DCUN1D2: variants seen among roughly 807,000 people sequenced by gnomAD.
The protein encoded by DCUN1D2 is DCN1-like protein 2.
DCUN1D2 carries 29 observed loss-of-function variants against 30.9 expected under a neutral mutation model. The observed-to-expected ratio is 0.94, with a 90% confidence interval of 0.70 to 1.28. The LOEUF is 1.28. Ranked by LOEUF, DCUN1D2 falls within the 50% of genes most tolerant of loss-of-function variation. The pLI is 0.00. For synonymous variants in DCUN1D2, 121 were observed against 115.3 expected (o/e 1.05, Z -0.32); for missense variants, 325 against 316.9 (o/e 1.03, Z -0.19).
intron 1 of DCUN1D2, among the ~76,000 whole-genome samples, chr13:113,485,868 G>A (rs772640446): frequency 2.9e-4 from 44 of 152,114 alleles, no homozygotes; most frequent in Non-Finnish European, 4.4e-4. Context: ...CATTCTCACA[G>A]AGTGCACAGC....
At chr13:113,470,266 T>C (rs935828147) in intron 4 of DCUN1D2, among the ~76,000 whole-genome samples, 1 of 152,212 alleles carries the variant, frequency 6.6e-6, no homozygotes, top group Non-Finnish European at 1.5e-5. Flanking sequence ...TGTGCCATAC[T>C]GCTAGGCGTG....
At chr13:113,486,975 A>AC (rs1220865496) in intron 1 of DCUN1D2, among the ~76,000 whole-genome samples, 1 of 152,172 alleles carries the variant, frequency 6.6e-6, no homozygotes, top group African/African-American at 2.4e-5. Context: ...TAGTTTGCCG[A>AC]CCCCGATCTA....
At chr13:113,486,870 T>C in intron 1 of DCUN1D2, among the ~76,000 whole-genome samples, 1 of 152,188 alleles carries the variant, frequency 6.6e-6, no homozygotes, top group East Asian at 1.9e-4. Context: ...ATCTCTGCCA[T>C]CTCAGGCCTG....
chr13:113,470,084 T>C (rs995526299), intron 4 of DCUN1D2, among the ~76,000 whole-genome samples: 6 of 152,202 alleles, frequency 3.9e-5, no homozygotes, highest in African/African-American at 1.2e-4. Context: ...CAGCCAATGA[T>C]AGTCCGCGTA....
intron 2 of DCUN1D2, among the ~76,000 whole-genome samples, chr13:113,482,337 A>C (rs1281402638): frequency 2.6e-5 from 4 of 152,236 alleles, no homozygotes; most frequent in Non-Finnish European, 5.9e-5. Context: ...CCACTTATAC[A>C]CAAGTATTTT....
intron 4 of DCUN1D2, among the ~76,000 whole-genome samples, chr13:113,468,347 A>G (rs1056953895): frequency 2.0e-5 from 3 of 152,070 alleles, no homozygotes; most frequent in Non-Finnish European, 4.4e-5. Context: ...AGAGACCAGA[A>G]GTAGAATGGG....
At position 113,490,685 on chromosome 13, in the gene DCUN1D2, C is replaced by T. The variant is rs1475098653; in HGVS notation, c.-16G>A. 1.6e-6 allele frequency: 2 copies of T among 1,236,072 alleles called. No homozygotes were observed. The highest frequency in any genetic ancestry group is 2.8e-5 in the South Asian group (1 of 35,636). 76.6% of individuals were successfully genotyped at this position (1,236,072 alleles called of 1,614,324 possible). ...CACCTACCATCTCCCCCGCGCCGCC[C>T]GCTTCTGGCCGGCCCCGGCCTTCTG... is the stretch of plus-strand genomic sequence containing the variant. On this transcript the variant is annotated 5_prime_UTR_variant, in exon 1 of 7. Coordinates refer to ENST00000478244, the MANE Select transcript of DCUN1D2 (RefSeq NM_001014283.2). This position sits in a 1 kb window ranked among gnomAD's most constrained non-coding sequence, Gnocchi z 5.2.
chr13:113,460,681 C>T (rs1333064870), intron 5 of DCUN1D2, among the ~76,000 whole-genome samples: 3 of 152,240 alleles, frequency 2.0e-5, no homozygotes, highest in Non-Finnish European at 2.9e-5. Context: ...AGAAGTGTGG[C>T]GCTGGCACCA....
At chr13:113,473,793 C>T (rs76947738) in intron 4 of DCUN1D2, among the ~76,000 whole-genome samples, 2,213 of 152,232 alleles carry the variant, frequency 0.015, 59 homozygotes, top group East Asian at 0.086. Context: ...CTCAGGAGTT[C>T]GAGACCAGCA....
At chr13:113,468,345 G>T (rs187640897) in intron 4 of DCUN1D2, among the ~76,000 whole-genome samples, 12 of 152,262 alleles carry the variant, frequency 7.9e-5, no homozygotes, top group Non-Finnish European at 1.8e-4. Context: ...CCAGAGACCA[G>T]AAGTAGAATG....
intron 6 of DCUN1D2, among the ~76,000 whole-genome samples, chr13:113,459,009 T>C (rs1021634469): frequency 2.6e-5 from 4 of 152,220 alleles, no homozygotes; most frequent in African/African-American, 9.7e-5. Flanking sequence ...TAAGGCATCA[T>C]GCGGGACTGA....
In DCUN1D2 at chr13:113,480,739, T is replaced by C. The variant is rs757556195; in HGVS notation, c.225A>G (p.Pro75=). ...CGACTCCAATTTTGTTTTCATCTTG[T>C]GGATCTGTAGTTAATATCAGGGGAA... The part of the protein sequence containing the change: ...LERLYGRYKD[P]QDENKIGVDG... Residue 75 remains proline, a synonymous_variant, in exon 3 of 7, where the codon CCA becomes CCG. Coordinates refer to ENST00000478244, the MANE Select transcript of DCUN1D2 (RefSeq NM_001014283.2). The C allele has an allele frequency of 6.2e-7, 1 of 1,614,020 alleles. No individual in the cohort carries two copies. The highest frequency in any genetic ancestry group is 8.5e-7 in the Non-Finnish European group (1 of 1,179,984).
At chr13:113,470,771 A>C (rs1161140793) in intron 4 of DCUN1D2, among the ~76,000 whole-genome samples, 59 of 120,224 alleles carry the variant, frequency 4.9e-4, no homozygotes, top group Middle Eastern at 0.01. Context: ...CACAGAAGAC[A>C]CAACTCCACA....
intron 4 of DCUN1D2, 37 bp downstream of exon 4, chr13:113,474,087 T>C: frequency 3.1e-6 from 5 of 1,596,494 alleles, no homozygotes; most frequent in Non-Finnish European, 4.3e-6. Flanking sequence ...AACCTCATTA[T>C]GATCTGGCAT....
At chr13:113,461,265 G>T in intron 4 of DCUN1D2, 129 bp from the exon 5 acceptor site, 1 of 621,204 alleles carries the variant, frequency 1.6e-6, no homozygotes, top group South Asian at 2.0e-5. Context: ...GAGTCATGAG[G>T]CTTAATCTCT....
chr13:113,461,002 T>G (rs944537788), intron 5 of DCUN1D2, 52 bp downstream of exon 5: 8 of 1,224,588 alleles, frequency 6.5e-6, no homozygotes, highest in Non-Finnish European at 8.3e-6. Flanking sequence ...GCCTCATACC[T>G]ACCGACTTCC....
chr13:113,473,540 C>T (rs186647139), intron 4 of DCUN1D2, among the ~76,000 whole-genome samples: 28 of 152,118 alleles, frequency 1.8e-4, no homozygotes, highest in African/African-American at 3.9e-4. Context: ...AGAACAATTA[C>T]GAACTGATAC....
intron 4 of DCUN1D2, among the ~76,000 whole-genome samples, chr13:113,472,032 C>A (rs1211608648): frequency 2.6e-5 from 4 of 152,244 alleles, no homozygotes; most frequent in Admixed American, 2.6e-4. Context: ...ATTACCCCCC[C>A]AACCCCGCCC....
rs993707003 is a variant in DCUN1D2, at chr13:113,488,160, T to C, written c.3+2507A>G. On this transcript the variant is annotated intron_variant, in intron 1 of 6. Coordinates refer to ENST00000478244, the MANE Select transcript of DCUN1D2 (RefSeq NM_001014283.2). The surrounding 1 kb of genome is among the most constrained non-coding windows in gnomAD (Gnocchi z 4.3). Reference sequence around the variant, plus strand: ...TCAAAATGGCTTTGAATCACTACTGTTAGCTAGAGTGGACAGAAGTCGGTA... The same window carrying C: ...TCAAAATGGCTTTGAATCACTACTGCTAGCTAGAGTGGACAGAAGTCGGTA... Among the ~76,000 whole-genome samples, 3 of 152,174 alleles carry C rather than the reference T, an allele frequency of 2.0e-5. No homozygotes were observed. Among genetic ancestry groups the C allele is most frequent in the Non-Finnish European group, 2.9e-5 (2 of 68,026 alleles).
Sources: allele counts gnomAD v4.1 joint callset (sites outside exome capture counted in the v4.1 genomes callset), GRCh38; gene constraint gnomAD v4.1.1; non-coding constraint Gnocchi (gnomAD v3.1); transcripts MANE v1.5; gene names NCBI Gene and HGNC (gene_info 2026-07-23, HGNC 2026-07-21).